Variants in SNTG1 observed in about 807,000 individuals in gnomAD.
SNTG1 encodes gamma-1-syntrophin.
A neutral mutation model predicts 74.7 loss-of-function variants in SNTG1; 39 were observed. The ratio of observed to expected loss-of-function variants is 0.52; its 90% CI spans 0.40 to 0.68. The LOEUF (loss-of-function observed/expected upper bound fraction) is 0.68, where lower values mean the gene tolerates loss of function less well. SNTG1 is among the 30% of genes least tolerant of loss of function. The pLI is 0.00. For synonymous variants in SNTG1, 254 were observed against 217.1 expected, an observed-to-expected ratio of 1.17 and a Z score of -1.49; for missense variants, 685 against 609.5, an observed-to-expected ratio of 1.12 and a Z score of -1.30.
chr8:50,077,051 T>G (rs1821957197), intron 1 of SNTG1, among the ~76,000 whole-genome samples: 1 of 152,210 alleles, frequency 6.6e-6, no homozygotes, highest in Non-Finnish European at 1.5e-5. Flanking sequence ...CTTTTCTGCC[T>G]CTGGCTTAAC....
chr8:50,644,167 A>T (rs961147377), intron 13 of SNTG1: 5 of 152,250 alleles, frequency 3.3e-5, no homozygotes, highest in African/African-American at 4.8e-5. Context: ...TCCTGGAAAC[A>T]TCAAAAGCAG....
intron 1 of SNTG1, among the ~76,000 whole-genome samples, chr8:50,146,316 G>C (rs1410960786): frequency 6.6e-6 from 1 of 152,044 alleles, no homozygotes; most frequent in Non-Finnish European, 1.5e-5. Flanking sequence ...TCAGGAGTTC[G>C]CGACCAGCCT....
chr8:50,385,436 T>C (rs1251731810), intron 2 of SNTG1, among the ~76,000 whole-genome samples: 1 of 152,202 alleles, frequency 6.6e-6, no homozygotes, highest in African/African-American at 2.4e-5. Flanking sequence ...GAAACTTTGC[T>C]GAGGTAGAAG....
At chr8:50,523,646 C>A (rs544268794) in intron 9 of SNTG1, among the ~76,000 whole-genome samples, 2 of 152,220 alleles carry the variant, frequency 1.3e-5, no homozygotes, top group African/African-American at 4.8e-5. Flanking sequence ...GTTTGTGAAG[C>A]TCCAAAAGAA....
intron 17 of SNTG1, among the ~76,000 whole-genome samples, chr8:50,742,191 A>G (rs1411109072): frequency 6.6e-6 from 1 of 152,024 alleles, no homozygotes; most frequent in Non-Finnish European, 1.5e-5. Flanking sequence ...AGACATATGC[A>G]TGCCATATAT....
At chr8:49,981,050 A>C (rs535552279) in intron 1 of SNTG1, among the ~76,000 whole-genome samples, 1 of 152,314 alleles carries the variant, frequency 6.6e-6, no homozygotes, top group East Asian at 1.9e-4. Context: ...GAGCTAAATA[A>C]TAGATGCAGA....
At chr8:50,761,220 C>T (rs554809869) in intron 18 of SNTG1, among the ~76,000 whole-genome samples, 2 of 152,082 alleles carry the variant, frequency 1.3e-5, no homozygotes, top group South Asian at 4.1e-4. Flanking sequence ...TTTCAACATA[C>T]ACAAATCAAT....
In SNTG1 at chr8:50,134,899, A is replaced by T. The variant is rs868336544; in HGVS notation, c.-102-37662A>T. Among the ~76,000 whole-genome samples the T allele has an allele frequency of 1.4e-4, 22 of 152,300 alleles. No homozygotes were observed. The East Asian group carries it at 2.1e-3, about 15-fold the overall frequency. On this transcript the variant is annotated intron_variant, in intron 1 of 18. Transcript: ENST00000642720. ...GATATTCTTCCAGTGGTTATAAAGT[A>T]ATTTTCAGTCCTCTTTTATGTATTT... is the stretch of plus-strand genomic sequence containing the variant.
In SNTG1 at chr8:50,657,525, T is replaced by A. The variant is rs561419585; in HGVS notation, c.966+500T>A. ...ACTTTTAATTACTAGTAATTTATTA[T>A]TAGCAAAGAATAATAAGGAAATTTC... is the stretch of plus-strand genomic sequence containing the variant. On this transcript the variant is annotated intron_variant, in intron 14 of 18. Coordinates refer to ENST00000642720, the MANE Select transcript of SNTG1 (RefSeq NM_018967.5). Among the ~76,000 whole-genome samples, 26 of 152,288 alleles carry A rather than the reference T, an allele frequency of 1.7e-4. No homozygotes were observed. The East Asian group carries it at 5.0e-3, about 29-fold the overall frequency.
At chr8:49,994,244 A>G (rs1269333610) in intron 1 of SNTG1, among the ~76,000 whole-genome samples, 1 of 141,464 alleles carries the variant, frequency 7.1e-6, no homozygotes, top group African/African-American at 2.6e-5. Context: ...CAAGATTATT[A>G]TTTTTATTCT....
chr8:50,575,449 G>A (rs922991557), intron 12 of SNTG1, among the ~76,000 whole-genome samples: 1 of 152,088 alleles, frequency 6.6e-6, no homozygotes, highest in East Asian at 1.9e-4. Flanking sequence ...TTGTGGGGTG[G>A]CATCTTGAGT....
chr8:50,226,793 T>A (rs936701899), intron 2 of SNTG1, among the ~76,000 whole-genome samples: 2 of 152,128 alleles, frequency 1.3e-5, no homozygotes, highest in Non-Finnish European at 2.9e-5. Flanking sequence ...CCTGGGCACA[T>A]TGTAGTCAGG....
intron 2 of SNTG1, among the ~76,000 whole-genome samples, chr8:50,195,682 A>G (rs2083740892): frequency 6.6e-6 from 1 of 152,178 alleles, no homozygotes; most frequent in Non-Finnish European, 1.5e-5. Context: ...AGGTAAAGTC[A>G]GAAAGGTCTC....
intron 13 of SNTG1, among the ~76,000 whole-genome samples, chr8:50,605,009 T>G (rs1053900657): frequency 1.3e-5 from 2 of 152,170 alleles, no homozygotes; most frequent in African/African-American, 4.8e-5. Context: ...GTGGGTTTCC[T>G]TCTGGCCCAA....
rs191941547 is a variant in SNTG1 at position 50,132,573 on chromosome 8, T to C, written c.-102-39988T>C. Reference sequence around the variant, plus strand: ...CTGAAATCCAACAGGGAAAATTCTATTAGGTTTCAAGGACTACTAATAATT... The same window carrying C: ...CTGAAATCCAACAGGGAAAATTCTACTAGGTTTCAAGGACTACTAATAATT... On this transcript the variant is annotated intron_variant, in intron 1 of 18. Coordinates refer to ENST00000642720, the MANE Select transcript of SNTG1 (RefSeq NM_018967.5). Among the ~76,000 whole-genome samples, 6 of 152,288 alleles carry C rather than the reference T, an allele frequency of 3.9e-5. No individual in the cohort carries two copies. In the East Asian group the frequency reaches 9.7e-4, roughly 25 times the overall value.
intron 1 of SNTG1, among the ~76,000 whole-genome samples, chr8:50,167,635 A>G (rs953133968): frequency 7.5e-6 from 1 of 133,000 alleles, no homozygotes; most frequent in Non-Finnish European, 1.6e-5. Context: ...CATCGCTACG[A>G]AAAAAAAAAA....
intron 1 of SNTG1, among the ~76,000 whole-genome samples, chr8:50,050,138 A>C (rs1819443944): frequency 1.3e-5 from 2 of 151,982 alleles, no homozygotes; most frequent in Admixed American, 6.6e-5. Flanking sequence ...ACAGGAAATC[A>C]ACAGAATCAG....
At chr8:50,150,563 G>A (rs574647438) in intron 1 of SNTG1, among the ~76,000 whole-genome samples, 8 of 152,244 alleles carry the variant, frequency 5.3e-5, no homozygotes, top group East Asian at 1.9e-4. Flanking sequence ...TTTGAGATAC[G>A]TCCCATTAAT....
intron 18 of SNTG1, 63 bp downstream of exon 18, chr8:50,752,174 AGG>A (rs2095569189): frequency 4.5e-6 from 4 of 895,436 alleles, no homozygotes; most frequent in Non-Finnish European, 6.4e-6. Context: ...AGGAACAAAG[AGG>A]GGAAACTTTC....
Sources: allele counts gnomAD v4.1 joint callset (sites outside exome capture counted in the v4.1 genomes callset), GRCh38; gene constraint gnomAD v4.1.1; transcripts MANE v1.5; gene names NCBI Gene and HGNC (gene_info 2026-07-23, HGNC 2026-07-21).